Variants in NTM observed in about 807,000 individuals in gnomAD.
NTM encodes the protein neurotrimin, also known as IgLON family member 2.
NTM carries 13 observed loss-of-function variants against 42.1 expected under a neutral mutation model. That is an observed-to-expected ratio of 0.31 (90% confidence interval 0.20 to 0.49). The LOEUF is 0.49. Ranked by LOEUF, NTM falls within the 20% of genes least tolerant of loss-of-function variation. NTM has a pLI of 0.99. For synonymous variants in NTM, 187 were observed against 179.2 expected, an observed-to-expected ratio of 1.04 and a Z score of -0.35; for missense variants, 373 against 452.8, an observed-to-expected ratio of 0.82 and a Z score of 1.60.
intron 1 of NTM, among the ~76,000 whole-genome samples, chr11:131,754,666 C>T (rs2083085355): frequency 6.6e-6 from 1 of 152,018 alleles, no homozygotes; most frequent in African/African-American, 2.4e-5. Context: ...CCATATAACC[C>T]AACCATTTCA....
intron 8 of NTM, among the ~76,000 whole-genome samples, chr11:132,333,136 A>G (rs1345385225): frequency 1.3e-5 from 2 of 152,170 alleles, no homozygotes; most frequent in African/African-American, 4.8e-5. Context: ...TGATTCACGC[A>G]TATGAAGCTA....
chr11:132,089,126 C>G (rs1247487468), intron 2 of NTM, among the ~76,000 whole-genome samples: 1 of 152,186 alleles, frequency 6.6e-6, no homozygotes, highest in Non-Finnish European at 1.5e-5. Flanking sequence ...TCAAAACACT[C>G]TCATAGTAAG....
intron 1 of NTM, among the ~76,000 whole-genome samples, chr11:131,765,859 C>T (rs1457791451): frequency 2.0e-5 from 3 of 152,168 alleles, no homozygotes; most frequent in African/African-American, 7.2e-5. Flanking sequence ...TCAAGAAGCC[C>T]TGAGTATACA....
intron 1 of NTM, among the ~76,000 whole-genome samples, chr11:131,786,696 A>G (rs957969344): frequency 6.6e-6 from 1 of 152,236 alleles, no homozygotes; most frequent in Non-Finnish European, 1.5e-5. Flanking sequence ...ATAGAACTAG[A>G]AAACATGTTA....
rs375999981 is a variant in NTM at position 132,307,685 on chromosome 11, G to A, written c.527-4G>A. 126 of 1,613,480 alleles carry A rather than the reference G, an allele frequency of 7.8e-5. No homozygotes were observed. Among genetic ancestry groups the A allele is most frequent in the East Asian group, 6.5e-4 (29 of 44,882 alleles). ...TTCACCACACGTTACCGGTTTTCCC[G>A]CAGCGGTTGGCTTTGTGAGTGAAGA... On this transcript the variant is annotated splice_region_variant and splice_polypyrimidine_tract_variant and intron_variant, in intron 4 of 8. Transcript: ENST00000683400.
rs895547584 is a variant in NTM at position 131,701,560 on chromosome 11, A to C, written c.83-210004A>C. 3.3e-5 allele frequency among the ~76,000 whole-genome samples: 5 copies of C among 152,226 alleles called. No individual in the cohort carries two copies. In the East Asian group the frequency reaches 9.6e-4, roughly 29 times the overall value. ...CACGGGCAAGGATTCTGCCTCTGCC[A>C]TCCCTAGCTCTCTAGCTTTATAAAT... On this transcript the variant is annotated intron_variant, in intron 1 of 8. Transcript: ENST00000683400.
chr11:132,077,392 A>G (rs982494445), intron 2 of NTM, among the ~76,000 whole-genome samples: 3 of 152,218 alleles, frequency 2.0e-5, no homozygotes, highest in African/African-American at 7.2e-5. Flanking sequence ...TGGGCCTTGT[A>G]AGAAATTCAT....
chr11:132,213,676 A>G (rs1335817550), intron 4 of NTM, among the ~76,000 whole-genome samples: 1 of 151,756 alleles, frequency 6.6e-6, no homozygotes, highest in Non-Finnish European at 1.5e-5. Context: ...AGAAGGCGTG[A>G]CATTTTCAGT....
intron 2 of NTM, among the ~76,000 whole-genome samples, chr11:132,045,911 G>A (rs1156364348): frequency 6.6e-6 from 1 of 152,180 alleles, no homozygotes; most frequent in African/African-American, 2.4e-5. Flanking sequence ...TGTTGTTTTG[G>A]ATGGGAAAGT....
chr11:132,034,977 T>G (rs2076340689), intron 2 of NTM, among the ~76,000 whole-genome samples: 1 of 152,210 alleles, frequency 6.6e-6, no homozygotes, highest in Non-Finnish European at 1.5e-5. Context: ...ATCTTGATTA[T>G]TCAGTTTTAA....
chr11:131,791,543 CA>C (rs1324246373), intron 1 of NTM, among the ~76,000 whole-genome samples: 1 of 152,204 alleles, frequency 6.6e-6, no homozygotes, highest in African/African-American at 2.4e-5. Flanking sequence ...ACATCACTCA[CA>C]TCTGAGAAGG....
intron 2 of NTM, among the ~76,000 whole-genome samples, chr11:132,092,596 A>C (rs1306304317): frequency 6.6e-6 from 1 of 152,158 alleles, no homozygotes; most frequent in Non-Finnish European, 1.5e-5. Context: ...TGTTGAGTCC[A>C]TCATGCTCCA....
At chr11:132,028,957 C>T (rs114858969) in intron 2 of NTM, among the ~76,000 whole-genome samples, 1,831 of 152,190 alleles carry the variant, frequency 0.012, 39 homozygotes, top group African/African-American at 0.042. Flanking sequence ...TGTTTTGACC[C>T]CTAAGACTTG....
rs191955665 is a variant in NTM, at chr11:131,701,095, C to T, written c.83-210469C>T. Among the ~76,000 whole-genome samples the T allele has an allele frequency of 1.5e-4, 23 of 152,270 alleles. No homozygotes were observed. The Middle Eastern group carries it at 0.01, about 68-fold the overall frequency. ...AATATTTCTTTGTCTTTCTCAGTTT[C>T]CAGTTGGTGGACAGTATAATATACT... On this transcript the variant is annotated intron_variant, in intron 1 of 8. Transcript: ENST00000683400.
intron 2 of NTM, among the ~76,000 whole-genome samples, chr11:132,021,800 A>G (rs1316645162): frequency 6.6e-6 from 1 of 152,216 alleles, no homozygotes; most frequent in Non-Finnish European, 1.5e-5. Flanking sequence ...GTGTATGGGT[A>G]GTGAAGCACC....
At chr11:132,169,963 G>C (rs1311132486) in intron 3 of NTM, among the ~76,000 whole-genome samples, 1 of 152,144 alleles carries the variant, frequency 6.6e-6, no homozygotes, top group Non-Finnish European at 1.5e-5. Flanking sequence ...CCAGGACCTA[G>C]CAGAGCCTCT....
chr11:131,432,782 G>C (rs1193973129), intron 1 of NTM, among the ~76,000 whole-genome samples: 3 of 147,770 alleles, frequency 2.0e-5, no homozygotes, highest in Non-Finnish European at 4.5e-5. Flanking sequence ...TGTGTTTATA[G>C]AGTTACTTCA....
At chr11:131,686,603 C>T (rs1420325409) in intron 1 of NTM, among the ~76,000 whole-genome samples, 1 of 152,100 alleles carries the variant, frequency 6.6e-6, no homozygotes, top group Non-Finnish European at 1.5e-5. Flanking sequence ...TGCAGGCACT[C>T]TTGGTGTAAC....
chr11:131,630,767 T>C (rs961129851), intron 1 of NTM, among the ~76,000 whole-genome samples: 1 of 152,352 alleles, frequency 6.6e-6, no homozygotes, highest in Admixed American at 6.5e-5. Flanking sequence ...GTTAATTAGT[T>C]ATCTGTATTG....
Sources: allele counts gnomAD v4.1 joint callset (sites outside exome capture counted in the v4.1 genomes callset), GRCh38; gene constraint gnomAD v4.1.1; transcripts MANE v1.5; gene names NCBI Gene and HGNC (gene_info 2026-07-23, HGNC 2026-07-21).